Variants in KDM2B observed in about 807,000 individuals in gnomAD.
KDM2B encodes lysine-specific demethylase 2B.
KDM2B carries 26 observed loss-of-function variants against 150.0 expected under a neutral mutation model. That is an observed-to-expected ratio of 0.17 (90% CI 0.13 to 0.24). The LOEUF (loss-of-function observed/expected upper bound fraction) is 0.24. KDM2B is among the 10% of genes least tolerant of loss of function. The pLI is 1.00. For synonymous variants in KDM2B, 734 were observed against 729.5 expected, an observed-to-expected ratio of 1.01 and a Z score of -0.10; for missense variants, 1,265 against 1,816.9, an observed-to-expected ratio of 0.70 and a Z score of 5.52.
chr12:121,427,465 C>G (rs1305763714), downstream of KDM2B, among the ~76,000 whole-genome samples: 7 of 152,188 alleles, frequency 4.6e-5, no homozygotes, highest in East Asian at 1.9e-4. Flanking sequence ...TTGCTTGAAC[C>G]TGGGAGGCAG....
At chr12:121,433,310 C>T (rs1199314126) in intron 22 of KDM2B, 13 of 404,936 alleles carry the variant, frequency 3.2e-5, no homozygotes, top group Non-Finnish European at 4.4e-5. Flanking sequence ...TTCCTGCTGG[C>T]GCGTGGGGCC....
chr12:121,487,519 G>T (rs1004578672), intron 12 of KDM2B, among the ~76,000 whole-genome samples: 2 of 152,092 alleles, frequency 1.3e-5, no homozygotes, highest in East Asian at 3.9e-4. Flanking sequence ...GGCTTCCATC[G>T]CAGCCTCCTC....
At chr12:121,531,236 G>A (rs1275228019) in intron 8 of KDM2B, among the ~76,000 whole-genome samples, 3 of 152,162 alleles carry the variant, frequency 2.0e-5, no homozygotes, top group Non-Finnish European at 2.9e-5. Flanking sequence ...GGACAGACCT[G>A]GGGCCATGGT....
In KDM2B at chr12:121,575,733, T is replaced by C. The variant is rs782773905; in HGVS notation, c.350+48A>G. On this transcript the variant is annotated intron_variant, in intron 3 of 22. Transcript: ENST00000377071. The surrounding 1 kb of genome is among the most constrained non-coding windows in gnomAD (Gnocchi z 4.4). ...GAAATCCATCCCAAGCTATAAAGTA[T>C]GTTAGGGAGGAAGACGGGGGAAGGA... 2 of 1,277,604 alleles carry C rather than the reference T, an allele frequency of 1.6e-6. No individual in the cohort carries two copies. Among genetic ancestry groups the C allele is most frequent in the South Asian group, 1.2e-5 (1 of 84,302 alleles). 79.1% of individuals were successfully genotyped at this position (1,277,604 alleles called of 1,614,324 possible). A position where few individuals can be genotyped will look rare whatever the true frequency, so the allele number is the denominator to read the frequency against.
chr12:121,440,681 G>A, intron 21 of KDM2B, 135 bp downstream of exon 21: 1 of 893,548 alleles, frequency 1.1e-6, no homozygotes, highest in Non-Finnish European at 1.7e-6. Flanking sequence ...TGTGCCTGAA[G>A]CAAACTGAGA....
intron 8 of KDM2B, chr12:121,524,776 G>T: frequency 4.7e-6 from 2 of 424,684 alleles, no homozygotes; most frequent in South Asian, 1.6e-5. Context: ...CCTGCTTCCA[G>T]CCAGAGTCAT....
chr12:121,429,847 C>A lies in KDM2B; in HGVS notation c.*441G>T. ...TGCATAATGTAAGATGTAACAAAAC[C>A]AACCAAACAAAAAAAAGTGTCAAGA... is the stretch of plus-strand genomic sequence containing the variant. On this transcript the variant is annotated 3_prime_UTR_variant, in exon 23 of 23. Transcript: ENST00000377071. The A allele has an allele frequency of 3.5e-6, 2 of 566,152 alleles. No homozygotes were observed. Among genetic ancestry groups the A allele is most frequent in the Non-Finnish European group, 6.3e-6 (2 of 319,812 alleles). The allele number at this position is 566,152 out of a possible 1,614,324, so 35.1% of individuals were successfully genotyped here.
chr12:121,458,660 G>T (rs1043259642), intron 12 of KDM2B, among the ~76,000 whole-genome samples: 9 of 152,070 alleles, frequency 5.9e-5, no homozygotes, highest in African/African-American at 2.2e-4. Context: ...AATTAGCCAG[G>T]CATGGTGGCA....
At chr12:121,483,716 A>AACAC (rs10541701) in intron 12 of KDM2B, among the ~76,000 whole-genome samples, 3 of 150,322 alleles carry the variant, frequency 2.0e-5, no homozygotes, top group African/African-American at 4.9e-5. Flanking sequence ...AAACAACAAC[A>AACAC]ACACACACAC....
chr12:121,528,576 A>G (rs1555307275), intron 8 of KDM2B, among the ~76,000 whole-genome samples: 1 of 42,310 alleles, frequency 2.4e-5, no homozygotes, highest in African/African-American at 4.8e-5. Context: ...ATGAAAAAAT[A>G]ATAAATAAAT....
intron 14 of KDM2B, 171 bp from the exon 15 acceptor site, chr12:121,444,707 C>A: frequency 1.6e-6 from 1 of 644,214 alleles, no homozygotes; most frequent in Admixed American, 2.3e-5. Flanking sequence ...CAGAGACGGG[C>A]AGCTGTGGAT....
upstream of KDM2B, among the ~76,000 whole-genome samples, chr12:121,582,124 A>G (rs1891989061): frequency 6.6e-6 from 1 of 152,066 alleles, no homozygotes; most frequent in Admixed American, 6.6e-5. Flanking sequence ...AGAACCATGG[A>G]CCATTTTATT....
At chr12:121,560,803 G>A (rs1325863164) in intron 4 of KDM2B, among the ~76,000 whole-genome samples, 1 of 152,158 alleles carries the variant, frequency 6.6e-6, no homozygotes, top group Non-Finnish European at 1.5e-5. Flanking sequence ...CACCGGGGAG[G>A]AGGCAGGTAG....
chr12:121,523,065 G>C (rs1886829655), intron 8 of KDM2B, among the ~76,000 whole-genome samples: 1 of 152,198 alleles, frequency 6.6e-6, no homozygotes, highest in Non-Finnish European at 1.5e-5. Context: ...ACAGCGTGGG[G>C]CTAGGAGATG....
At chr12:121,445,468 A>G (rs1483554936) in intron 13 of KDM2B, 50 bp from the exon 14 acceptor site, 27 of 1,523,778 alleles carry the variant, frequency 1.8e-5, no homozygotes, top group Middle Eastern at 2.0e-4. Context: ...GGGAGCACGG[A>G]CCCCCAGGGG....
chr12:121,474,342 G>A (rs148190731), intron 12 of KDM2B, among the ~76,000 whole-genome samples: 10 of 152,018 alleles, frequency 6.6e-5, no homozygotes, highest in African/African-American at 9.6e-5. Context: ...TGAAAACCCC[G>A]TCCCTACTAA....
intron 8 of KDM2B, among the ~76,000 whole-genome samples, chr12:121,522,438 C>A (rs900726911): frequency 6.6e-6 from 1 of 151,856 alleles, no homozygotes; most frequent in Non-Finnish European, 1.5e-5. Flanking sequence ...TCGCTTGAAC[C>A]CGGAAGGTGA....
chr12:121,464,185 A>G (rs530327253), intron 12 of KDM2B, among the ~76,000 whole-genome samples: 2 of 152,328 alleles, frequency 1.3e-5, no homozygotes, highest in Non-Finnish European at 2.9e-5. Flanking sequence ...ATGAGTTATA[A>G]TCATATCACT....
chr12:121,420,326 G>T, the KDM2B span: 2 of 1,567,010 alleles, frequency 1.3e-6, no homozygotes, highest in Non-Finnish European at 1.7e-6. Flanking sequence ...AGAAAACGCA[G>T]AGGATCGGGT....
Sources: gnomAD v4.1 joint callset for allele counts (sites outside exome capture counted in the v4.1 genomes callset) on GRCh38, gnomAD v4.1.1 for gene constraint, Gnocchi (gnomAD v3.1) non-coding constraint, MANE v1.5 for transcripts, NCBI Gene and HGNC (gene_info 2026-07-23, HGNC 2026-07-21) for gene names.